The following SNX10 variants were observed in gnomAD, a reference collection of about 807,000 sequenced individuals.
SNX10 encodes the protein sorting nexin-10.
In SNX10, 25 loss-of-function variants were observed where a neutral mutation model predicts 28.5. That is an observed-to-expected ratio of 0.88 (90% CI 0.64 to 1.22). The LOEUF (loss-of-function observed/expected upper bound fraction) is 1.22. Ranked by LOEUF, SNX10 falls within the 50% of genes most tolerant of loss-of-function variation. The pLI, the probability that SNX10 is intolerant of heterozygous loss-of-function variation, is 0.00. For synonymous variants in SNX10, 62 were observed against 81.4 expected (o/e 0.76, Z 1.28); for missense variants, 223 against 242.6 (o/e 0.92, Z 0.54).
intron 2 of SNX10, 47 bp downstream of exon 2, chr7:26,346,513 C>T (rs1208093030): frequency 2.1e-6 from 3 of 1,418,860 alleles, no homozygotes; most frequent in Non-Finnish European, 3.0e-6. Flanking sequence ...TATTTTGATT[C>T]ACACAGGTTA....
At chr7:26,360,952 C>G (rs1789039491) in intron 2 of SNX10, 23 bp from the exon 3 acceptor site, 2 of 1,567,382 alleles carry the variant, frequency 1.3e-6, no homozygotes, top group Admixed American at 1.7e-5. Flanking sequence ...AAGAATATTT[C>G]TTTGTTTATG....
In SNX10 at chr7:26,373,751, A is replaced by G. The variant is rs985560228; in HGVS notation, c.*1179A>G. 1 of 152,086 alleles carries G rather than the reference A, an allele frequency of 6.6e-6. No homozygotes were observed. The highest frequency in any genetic ancestry group is 2.4e-5 in the African/African-American group (1 of 41,456). 9.4% of individuals were successfully genotyped at this position (152,086 alleles called of 1,614,324 possible). A position where few individuals can be genotyped will look rare whatever the true frequency, so the allele number is the denominator to read the frequency against. ...AGGAAGATATTTTCAGATAACTAGG[A>G]TAACTTGTTGCTTTGTTACCCAGCC... On this transcript the variant is annotated 3_prime_UTR_variant, in exon 7 of 7. Coordinates refer to ENST00000338523, the MANE Select transcript of SNX10 (RefSeq NM_013322.3). The surrounding 1 kb of genome is among the most constrained non-coding windows in gnomAD (Gnocchi z 4.2).
intron 1 of SNX10, among the ~76,000 whole-genome samples, chr7:26,321,691 C>G (rs1787315543): frequency 6.6e-6 from 1 of 152,118 alleles, no homozygotes; most frequent in African/African-American, 2.4e-5. Context: ...GTGAGTGAAC[C>G]CTGCTGACTG....
intron 1 of SNX10, among the ~76,000 whole-genome samples, chr7:26,295,578 A>C (rs1192714216): frequency 1.3e-5 from 2 of 152,224 alleles, no homozygotes; most frequent in African/African-American, 4.8e-5. Context: ...AACGGGACTC[A>C]AACTCAGGTT....
chr7:26,371,068 T>C (rs1044307349), intron 5 of SNX10, among the ~76,000 whole-genome samples: 1 of 151,812 alleles, frequency 6.6e-6, no homozygotes, highest in Non-Finnish European at 1.5e-5. Context: ...ATCTTCCATG[T>C]AGTTCTGATG....
intron 2 of SNX10, among the ~76,000 whole-genome samples, chr7:26,360,053 A>G (rs1303418392): frequency 1.3e-5 from 2 of 152,236 alleles, no homozygotes; most frequent in South Asian, 2.1e-4. Flanking sequence ...CCTAACTTCT[A>G]TGTATAACAC....
chr7:26,351,512 G>T (rs892847930), intron 2 of SNX10, among the ~76,000 whole-genome samples: 1 of 152,050 alleles, frequency 6.6e-6, no homozygotes, highest in Admixed American at 6.5e-5. Context: ...TGAAAAACAA[G>T]GAATGCCTGA....
chr7:26,369,465 A>G (rs1030997449), intron 5 of SNX10, among the ~76,000 whole-genome samples: 7 of 152,236 alleles, frequency 4.6e-5, no homozygotes, highest in South Asian at 2.1e-4. Flanking sequence ...AGAATGAACT[A>G]TCTGACTAAA....
intron 1 of SNX10, among the ~76,000 whole-genome samples, chr7:26,333,776 A>G (rs527280415): frequency 6.6e-6 from 1 of 152,270 alleles, no homozygotes; most frequent in South Asian, 2.1e-4. Flanking sequence ...GCTGTTCTTC[A>G]GGAGGTTGTG....
intron 1 of SNX10, among the ~76,000 whole-genome samples, chr7:26,323,905 C>T (rs977773330): frequency 2.0e-5 from 3 of 152,074 alleles, no homozygotes; most frequent in South Asian, 2.1e-4. Context: ...ATCAGTGCTC[C>T]GTAAATAAGG....
Position 26,357,327 on chromosome 7 carries a change from T to TTAA in SNX10, c.25-3648_25-3647insTAA, listed in dbSNP as rs1554360683. 6.4e-5 allele frequency among the ~76,000 whole-genome samples: 7 copies of TTAA among 109,368 alleles called. No individual in the cohort carries two copies. The South Asian group carries it at 1.9e-3, about 30-fold the overall frequency. 71.7% of individuals were successfully genotyped at this position (109,368 alleles called of 152,430 possible). A position where few individuals can be genotyped will look rare whatever the true frequency, so the allele number is the denominator to read the frequency against. On this transcript the variant is annotated intron_variant, in intron 2 of 6. Coordinates refer to ENST00000338523, the MANE Select transcript of SNX10 (RefSeq NM_013322.3). ...AAAATAGTAGAAGAAAAGAGAAGAT[T>TTAA]AAAAAAAAAAAAAAAAAAAGGCAGT...
intron 1 of SNX10, among the ~76,000 whole-genome samples, chr7:26,335,726 T>C (rs1450309445): frequency 6.9e-6 from 1 of 145,302 alleles, no homozygotes; most frequent in Non-Finnish European, 1.5e-5. Context: ...ACCTCGCAGA[T>C]GGAATATTCT....
At chr7:26,331,167 T>TAA (rs60045434) in intron 1 of SNX10, among the ~76,000 whole-genome samples, 3 of 117,332 alleles carry the variant, frequency 2.6e-5, no homozygotes, top group Admixed American at 8.6e-5. Flanking sequence ...AAAAGAGAAC[T>TAA]AAAAAAAAAA....
intron 1 of SNX10, among the ~76,000 whole-genome samples, chr7:26,339,074 C>A (rs13243639): frequency 0.036 from 5,503 of 152,282 alleles, 130 homozygotes; most frequent in East Asian, 0.098. Flanking sequence ...GACTGGACCC[C>A]AGGCAAGAAA....
intron 1 of SNX10, among the ~76,000 whole-genome samples, chr7:26,343,409 G>A (rs1051581353): frequency 3.9e-5 from 6 of 152,150 alleles, no homozygotes; most frequent in African/African-American, 1.4e-4. Context: ...GCTTTCTTGT[G>A]AAGTGGGGAT....
intron 1 of SNX10, among the ~76,000 whole-genome samples, chr7:26,330,986 CA>C (rs1392548142): frequency 6.6e-6 from 1 of 151,874 alleles, no homozygotes; most frequent in Non-Finnish European, 1.5e-5. Flanking sequence ...CTCATCTCTA[CA>C]AAAAAACTTA....
At chr7:26,372,381 T>C (rs1409360690) in intron 6 of SNX10, 110 bp from the exon 7 acceptor site, 1 of 739,490 alleles carries the variant, frequency 1.4e-6, no homozygotes, top group Non-Finnish European at 2.4e-6. Context: ...ATTTCCTGTC[T>C]CTCTTTGTGA....
chr7:26,371,456 C>A (rs1445681158), intron 5 of SNX10, among the ~76,000 whole-genome samples: 1 of 152,102 alleles, frequency 6.6e-6, no homozygotes, highest in African/African-American at 2.4e-5. Flanking sequence ...ACTGAATTGA[C>A]ATGCTGTTGG....
chr7:26,330,877 C>T lies in SNX10; in HGVS notation c.-23-15543C>T, dbSNP rs114980315. Among the ~76,000 whole-genome samples, 967 of 152,180 alleles carry T rather than the reference C, an allele frequency of 6.4e-3. 9 individuals are homozygous for T. Among genetic ancestry groups the T allele is most frequent in the African/African-American group, 0.022 (911 of 41,520 alleles). On this transcript the variant is annotated intron_variant, in intron 1 of 6. Transcript: ENST00000338523. Reference sequence around the variant, plus strand: ...CAAAAAAACAGAACTAAGCTGAGTGCGGTGGCTCACGCCTATAATCCCGAT... The same window carrying T: ...CAAAAAAACAGAACTAAGCTGAGTGTGGTGGCTCACGCCTATAATCCCGAT...
Sources: gnomAD v4.1 joint callset for allele counts (sites outside exome capture counted in the v4.1 genomes callset) on GRCh38, gnomAD v4.1.1 for gene constraint, Gnocchi (gnomAD v3.1) non-coding constraint, MANE v1.5 for transcripts, NCBI Gene and HGNC (gene_info 2026-07-23, HGNC 2026-07-21) for gene names.